Variants in ENTPD1 observed in about 807,000 individuals in gnomAD.
ENTPD1 encodes the protein ectonucleoside triphosphate diphosphohydrolase 1.
A neutral mutation model predicts 57.0 loss-of-function variants in ENTPD1; 33 were observed. The ratio of observed to expected loss-of-function variants is 0.58; its 90% confidence interval spans 0.44 to 0.77. The LOEUF (loss-of-function observed/expected upper bound fraction) is 0.77, where lower values mean the gene tolerates loss of function less well. Among genes scored for constraint, ENTPD1 ranks in the 30% least tolerant of loss-of-function variants. ENTPD1 has a pLI of 0.00. For missense variants in ENTPD1, 501 were observed against 603.4 expected (o/e 0.83, Z 1.78); for synonymous variants, 202 against 218.8 (o/e 0.92, Z 0.68).
chr10:95,732,407 C>T (rs2097990226), intron 1 of ENTPD1, among the ~76,000 whole-genome samples: 1 of 152,150 alleles, frequency 6.6e-6, no homozygotes, highest in African/African-American at 2.4e-5. Context: ...GCCATCTAAC[C>T]TACTTTGTTT....
chr10:95,735,021 A>G (rs1014433659), intron 1 of ENTPD1, among the ~76,000 whole-genome samples: 2 of 147,886 alleles, frequency 1.4e-5, no homozygotes, highest in Non-Finnish European at 3.0e-5. Context: ...CTTGATGAAA[A>G]TAGATTTTTT....
At position 95,875,530 on chromosome 10, in the gene ENTPD1, T is replaced by C; in HGVS notation, c.*9147T>C. ...CCAAACTTTCCTACATTTTCCTATC[T>C]TCTTCTGAGCCCTCCAGATTATTTC... On this transcript the variant is annotated 3_prime_UTR_variant, in exon 10 of 10. Transcript: ENST00000371205. The C allele has an allele frequency of 6.3e-6, 1 of 159,258 alleles. No homozygotes were observed. The highest frequency in any genetic ancestry group is 1.4e-5 in the Non-Finnish European group (1 of 73,388). The allele number at this position is 159,258 out of a possible 1,614,324, so 9.9% of individuals were successfully genotyped here.
At chr10:95,846,608 G>C (rs1294824528) in intron 6 of ENTPD1, among the ~76,000 whole-genome samples, 1 of 152,152 alleles carries the variant, frequency 6.6e-6, no homozygotes, top group Non-Finnish European at 1.5e-5. Context: ...GGGGCGCTGA[G>C]AGACATCCAC....
chr10:95,746,458 G>A (rs573482082), intron 1 of ENTPD1, among the ~76,000 whole-genome samples: 1 of 152,038 alleles, frequency 6.6e-6, no homozygotes, highest in East Asian at 1.9e-4. Context: ...AATCATCTTG[G>A]CCTTTAAAAA....
chr10:95,794,130 GC>G (rs1282154672), intron 1 of ENTPD1, among the ~76,000 whole-genome samples: 1 of 152,098 alleles, frequency 6.6e-6, no homozygotes, highest in Admixed American at 6.5e-5. Context: ...CTTAATTGAA[GC>G]TCTATGTTGA....
intron 6 of ENTPD1, among the ~76,000 whole-genome samples, chr10:95,847,204 TTAA>T (rs2098437438): frequency 6.6e-6 from 1 of 152,140 alleles, no homozygotes; most frequent in African/African-American, 2.4e-5. Context: ...GGGCCCAGTT[TTAA>T]CTACATCAGC....
chr10:95,712,052 G>A, intron 1 of ENTPD1: 1 of 1,611,208 alleles, frequency 6.2e-7, no homozygotes, highest in African/African-American at 1.3e-5. Context: ...ATCTGGTAGA[G>A]CCGATGGTAA....
intron 1 of ENTPD1, among the ~76,000 whole-genome samples, chr10:95,718,760 C>A (rs528088517): frequency 6.6e-6 from 1 of 152,202 alleles, no homozygotes; most frequent in Admixed American, 6.5e-5. Flanking sequence ...ACTGCATACC[C>A]CACTTTTCGA....
intron 2 of ENTPD1, among the ~76,000 whole-genome samples, chr10:95,828,869 C>A (rs944758537): frequency 4.6e-5 from 7 of 152,158 alleles, no homozygotes; most frequent in African/African-American, 1.4e-4. Flanking sequence ...CGCCACCACA[C>A]CCGGCTAATT....
chr10:95,712,532 G>GTA (rs2097966805), intron 1 of ENTPD1, among the ~76,000 whole-genome samples: 1 of 152,164 alleles, frequency 6.6e-6, no homozygotes, highest in African/African-American at 2.4e-5. Context: ...ATTTTAAGTG[G>GTA]TATACTTTTT....
chr10:95,748,430 G>A (rs952311036), intron 1 of ENTPD1, among the ~76,000 whole-genome samples: 2 of 152,112 alleles, frequency 1.3e-5, no homozygotes, highest in Admixed American at 6.6e-5. Context: ...AACATAGAAA[G>A]TAGAGAGAAT....
At position 95,842,456 on chromosome 10, in the gene ENTPD1, C is replaced by T. The variant is rs375891312; in HGVS notation, c.375C>T (p.Pro125=). 51 of 1,613,832 alleles carry T rather than the reference C, an allele frequency of 3.2e-5. No individual in the cohort carries two copies. Among genetic ancestry groups the T allele is most frequent in the Non-Finnish European group, 3.7e-5 (44 of 1,180,000 alleles). ...CAAGGTCCCAGCACCAAGAGACACCCGTTTACCTGGGAGCCACGGCAGGCA... is the reference window on the plus strand; with the variant it reads ...CAAGGTCCCAGCACCAAGAGACACCTGTTTACCTGGGAGCCACGGCAGGCA... The part of the protein sequence containing the change: ...VIPRSQHQET[P]VYLGATAGMR... Residue 125 remains proline, a synonymous_variant, in exon 4 of 10, where the codon CCC becomes CCT. Coordinates refer to ENST00000371205, the MANE Select transcript of ENTPD1 (RefSeq NM_001776.6).
At chr10:95,824,325 G>A (rs1335068762) in intron 2 of ENTPD1, among the ~76,000 whole-genome samples, 1 of 152,220 alleles carries the variant, frequency 6.6e-6, no homozygotes, top group Non-Finnish European at 1.5e-5. Flanking sequence ...TCTTGTATTT[G>A]AAGATGTTGA....
intron 1 of ENTPD1, among the ~76,000 whole-genome samples, chr10:95,777,999 A>G (rs2098140944): frequency 6.6e-6 from 1 of 152,134 alleles, no homozygotes; most frequent in South Asian, 2.1e-4. Flanking sequence ...AAACTGTTGG[A>G]AAAGCACAGT....
At chr10:95,749,586 C>T (rs1197768903) in intron 1 of ENTPD1, among the ~76,000 whole-genome samples, 1 of 152,120 alleles carries the variant, frequency 6.6e-6, no homozygotes, top group East Asian at 1.9e-4. Flanking sequence ...CATCTTGGTG[C>T]TGGGATAGAA....
chr10:95,869,613 A>T lies in ENTPD1; in HGVS notation c.*3230A>T, dbSNP rs1413178745. 1 of 985,204 alleles carries T rather than the reference A, an allele frequency of 1.0e-6. No homozygotes were observed. Among genetic ancestry groups the T allele is most frequent in the Non-Finnish European group, 1.2e-6 (1 of 829,906 alleles). 61.0% of individuals were successfully genotyped at this position (985,204 alleles called of 1,614,324 possible). A position where few individuals can be genotyped will look rare whatever the true frequency, so the allele number is the denominator to read the frequency against. On this transcript the variant is annotated 3_prime_UTR_variant, in exon 10 of 10. Coordinates refer to ENST00000371205, the MANE Select transcript of ENTPD1 (RefSeq NM_001776.6). ...TTAATCAGGCTTTCTGTGTGACAAG[A>T]AAGAGAAAGAAAATAAAGAAGTTTC...
At chr10:95,828,770 G>A (rs2098386904) in intron 2 of ENTPD1, among the ~76,000 whole-genome samples, 1 of 149,842 alleles carries the variant, frequency 6.7e-6, no homozygotes, top group Admixed American at 6.7e-5. Flanking sequence ...GAGCGCAGTG[G>A]CATGATCTCG....
At chr10:95,722,547 C>CA (rs1159292667) in intron 1 of ENTPD1, among the ~76,000 whole-genome samples, 1 of 149,854 alleles carries the variant, frequency 6.7e-6, no homozygotes, top group Non-Finnish European at 1.5e-5. Flanking sequence ...ATCGCAAGAA[C>CA]AAAAAACCAA....
At chr10:95,761,837 G>GTGT (rs1204421998) in intron 1 of ENTPD1, among the ~76,000 whole-genome samples, 6 of 152,336 alleles carry the variant, frequency 3.9e-5, no homozygotes, top group Admixed American at 3.3e-4. Flanking sequence ...CTTGTGCTGG[G>GTGT]TGTTGGAGTC....
Sources: gnomAD v4.1 joint callset for allele counts (sites outside exome capture counted in the v4.1 genomes callset) on GRCh38, gnomAD v4.1.1 for gene constraint, MANE v1.5 for transcripts, NCBI Gene and HGNC (gene_info 2026-07-23, HGNC 2026-07-21) for gene names.